PPM1H: variants seen among roughly 807,000 people sequenced by gnomAD.
PPM1H encodes protein phosphatase 1H.
PPM1H carries 27 observed loss-of-function variants against 54.9 expected under a neutral mutation model. The observed-to-expected ratio is 0.49, with a 90% CI of 0.36 to 0.68. PPM1H has a LOEUF of 0.68. Among genes scored for constraint, PPM1H ranks in the 30% least tolerant of loss-of-function variants. The pLI is 0.00. For missense variants in PPM1H, 596 were observed against 667.8 expected, an observed-to-expected ratio of 0.89 and a Z score of 1.19; for synonymous variants, 305 against 270.8, an observed-to-expected ratio of 1.13 and a Z score of -1.24.
Position 62,787,838 on chromosome 12 carries a change from A to G in PPM1H, c.869+388T>C, listed in dbSNP as rs572947928. Among the ~76,000 whole-genome samples the G allele has an allele frequency of 9.2e-5, 14 of 152,314 alleles. No individual in the cohort carries two copies. The East Asian group carries it at 2.7e-3, about 29-fold the overall frequency. On this transcript the variant is annotated intron_variant, in intron 4 of 9. Transcript: ENST00000228705. Reference sequence around the variant, plus strand: ...AGAAGCTTCTGGGAGAGAACAGTGCAAAGTCACTAAGTAAAAGTGGAGTCA... The same window carrying G: ...AGAAGCTTCTGGGAGAGAACAGTGCGAAGTCACTAAGTAAAAGTGGAGTCA...
intron 8 of PPM1H, among the ~76,000 whole-genome samples, chr12:62,675,361 G>A (rs1191520772): frequency 6.6e-6 from 1 of 152,156 alleles, no homozygotes; most frequent in Non-Finnish European, 1.5e-5. Context: ...AATTCTCTGG[G>A]TTTCCAATGG....
intron 1 of PPM1H, among the ~76,000 whole-genome samples, chr12:62,897,034 G>C (rs1024740019): frequency 2.0e-5 from 3 of 149,108 alleles, no homozygotes; most frequent in Non-Finnish European, 4.4e-5. Context: ...CTCACTCGCA[G>C]GTGGGAATTG....
intron 1 of PPM1H, among the ~76,000 whole-genome samples, chr12:62,918,069 C>A (rs1871679122): frequency 1.3e-5 from 2 of 152,178 alleles, no homozygotes; most frequent in Admixed American, 1.3e-4. Flanking sequence ...TCTCTTATGA[C>A]ACTTACTCCC....
intron 1 of PPM1H, among the ~76,000 whole-genome samples, chr12:62,914,667 G>A (rs150012463): frequency 5.0e-4 from 76 of 152,276 alleles, no homozygotes; most frequent in African/African-American, 1.8e-3. Context: ...TCAAGAGGAA[G>A]ACAATACTGG....
At chr12:62,697,126 C>T (rs78759732) in intron 6 of PPM1H, among the ~76,000 whole-genome samples, 6,766 of 136,982 alleles carry the variant, frequency 0.049, 195 homozygotes, top group Admixed American at 0.086. Context: ...AAGTGATGGT[C>T]TGTGTTCTTT....
intron 9 of PPM1H, among the ~76,000 whole-genome samples, chr12:62,666,860 C>T (rs1010393227): frequency 2.6e-5 from 4 of 152,084 alleles, no homozygotes; most frequent in African/African-American, 9.7e-5. Context: ...ATTACAGGTG[C>T]CCACCACCAT....
chr12:62,776,234 T>A (rs572570416), intron 4 of PPM1H, among the ~76,000 whole-genome samples: 1 of 152,182 alleles, frequency 6.6e-6, no homozygotes, highest in Non-Finnish European at 1.5e-5. Flanking sequence ...GGCTGTTTCA[T>A]CTGCCAGAAC....
At chr12:62,887,218 A>G (rs1238262963) in intron 1 of PPM1H, among the ~76,000 whole-genome samples, 2 of 152,226 alleles carry the variant, frequency 1.3e-5, no homozygotes, top group East Asian at 3.8e-4. Context: ...AGTACAGGGT[A>G]AGAGAAGTGG....
At position 62,728,884 on chromosome 12, in the gene PPM1H, A is replaced by G. The variant is rs546340660; in HGVS notation, c.955-8595T>C. On this transcript the variant is annotated intron_variant, in intron 5 of 9. Coordinates refer to ENST00000228705, the MANE Select transcript of PPM1H (RefSeq NM_020700.2). ...GACACAAAGATGGGGCTTTGAGGTT[A>G]CTCAAAATTGCTTGCTAGGGAATAC... Among the ~76,000 whole-genome samples the G allele has an allele frequency of 2.0e-5, 3 of 152,288 alleles. No individual in the cohort carries two copies. In the South Asian group the frequency reaches 6.2e-4, roughly 32 times the overall value.
At chr12:62,746,497 A>G (rs1383116641) in intron 4 of PPM1H, among the ~76,000 whole-genome samples, 1 of 152,202 alleles carries the variant, frequency 6.6e-6, no homozygotes, top group Non-Finnish European at 1.5e-5. Context: ...ACGGACTGCC[A>G]GAGTTCCAGG....
intron 1 of PPM1H, among the ~76,000 whole-genome samples, chr12:62,855,447 C>T (rs1406846697): frequency 6.6e-6 from 1 of 152,130 alleles, no homozygotes; most frequent in Non-Finnish European, 1.5e-5. Context: ...TGAGCAGAAA[C>T]AGGTTGTCAT....
intron 2 of PPM1H, among the ~76,000 whole-genome samples, chr12:62,821,363 G>A (rs1304850400): frequency 6.6e-6 from 1 of 152,182 alleles, no homozygotes; most frequent in Non-Finnish European, 1.5e-5. Context: ...ATATGATCCA[G>A]GAGAACTTCC....
intron 8 of PPM1H, among the ~76,000 whole-genome samples, chr12:62,677,625 C>T (rs1810092211): frequency 6.6e-6 from 1 of 152,142 alleles, no homozygotes; most frequent in African/African-American, 2.4e-5. Context: ...GCTCACACAC[C>T]CCTCACTGCT....
intron 1 of PPM1H, among the ~76,000 whole-genome samples, chr12:62,906,733 A>G (rs1321284616): frequency 6.6e-6 from 1 of 152,212 alleles, no homozygotes; most frequent in African/African-American, 2.4e-5. Context: ...AGAAGAAGAT[A>G]TGAGATAAAA....
chr12:62,649,710 C>T (rs181100251), intron 9 of PPM1H, among the ~76,000 whole-genome samples: 2 of 152,298 alleles, frequency 1.3e-5, no homozygotes, highest in Admixed American at 6.5e-5. Context: ...TGTAGGCCTG[C>T]CTGCAGGAAA....
chr12:62,816,329 T>C (rs1400701448), intron 2 of PPM1H, among the ~76,000 whole-genome samples: 1 of 152,224 alleles, frequency 6.6e-6, no homozygotes, highest in Admixed American at 6.5e-5. Flanking sequence ...TCCAAAAGTC[T>C]GGAAAATGCT....
intron 4 of PPM1H, 22 bp from the exon 5 acceptor site, chr12:62,737,608 G>A (rs2120526589): frequency 1.2e-5 from 17 of 1,454,206 alleles, no homozygotes; most frequent in East Asian, 4.9e-5. Flanking sequence ...AAAATGCATT[G>A]TCAGTAGCCA....
intron 9 of PPM1H, 59 bp downstream of exon 9, chr12:62,667,119 C>A: frequency 6.8e-7 from 1 of 1,471,702 alleles, no homozygotes; most frequent in South Asian, 1.3e-5. Flanking sequence ...TTATTAATTT[C>A]AGGCATGTCA....
chr12:62,669,403 G>A (rs1030047458), intron 8 of PPM1H, among the ~76,000 whole-genome samples: 9 of 152,194 alleles, frequency 5.9e-5, no homozygotes, highest in Admixed American at 5.9e-4. Context: ...TTACAATTCA[G>A]TTCCGGGTGG....
Sources: allele counts gnomAD v4.1 joint callset (sites outside exome capture counted in the v4.1 genomes callset), GRCh38; gene constraint gnomAD v4.1.1; transcripts MANE v1.5; gene names NCBI Gene and HGNC (gene_info 2026-07-23, HGNC 2026-07-21).